PLEKHA5: variants seen among roughly 807,000 people sequenced by gnomAD.
PLEKHA5 encodes the protein pleckstrin homology domain containing A5, also known as pleckstrin homology domain-containing family A member 5.
PLEKHA5 carries 55 observed loss-of-function variants against 181.9 expected under a neutral mutation model. The ratio of observed to expected loss-of-function variants is 0.30; its 90% CI spans 0.24 to 0.38. The LOEUF is 0.38. PLEKHA5 is among the 10% of genes least tolerant of loss of function. The probability of loss-of-function intolerance (pLI) is 1.00; values close to 1 mark genes in which losing one functional copy is unlikely to be tolerated. For missense variants in PLEKHA5, 1,432 were observed against 1,549.5 expected, an observed-to-expected ratio of 0.92 and a Z score of 1.27; for synonymous variants, 535 against 529.4, an observed-to-expected ratio of 1.01 and a Z score of -0.15.
At chr12:19,158,450 A>G (rs546790825) in intron 3 of PLEKHA5, among the ~76,000 whole-genome samples, 1 of 152,336 alleles carries the variant, frequency 6.6e-6, no homozygotes, top group South Asian at 2.1e-4. Context: ...TGCTGGTGGC[A>G]TTGAAAACTG....
rs557085632 is a variant in PLEKHA5 at position 19,327,957 on chromosome 12, T to A, written c.2448+5290T>A. On this transcript the variant is annotated intron_variant, in intron 20 of 31. Coordinates refer to ENST00000429027, the MANE Select transcript of PLEKHA5 (RefSeq NM_001256470.2). ...ACCATGCCTGGCTAAAGGATTCTTA[T>A]AGTTTGAGGCCTGACACTTAAATCT... is the stretch of plus-strand genomic sequence containing the variant. 3.3e-5 allele frequency among the ~76,000 whole-genome samples: 5 copies of A among 152,260 alleles called. No individual in the cohort carries two copies. In the South Asian group the frequency reaches 1.0e-3, roughly 32 times the overall value.
At chr12:19,138,749 G>T (rs979166521) in intron 3 of PLEKHA5, among the ~76,000 whole-genome samples, 9 of 151,984 alleles carry the variant, frequency 5.9e-5, no homozygotes, top group African/African-American at 2.2e-4. Flanking sequence ...TACATTCATG[G>T]GGCTGGGAAC....
intron 7 of PLEKHA5, among the ~76,000 whole-genome samples, chr12:19,264,806 C>T (rs2069770766): frequency 6.6e-6 from 1 of 152,132 alleles, no homozygotes; most frequent in East Asian, 1.9e-4. Flanking sequence ...TCACACACAG[C>T]AAACATAATA....
chr12:19,221,577 C>G (rs1248464382), intron 3 of PLEKHA5, among the ~76,000 whole-genome samples: 1 of 152,134 alleles, frequency 6.6e-6, no homozygotes, highest in South Asian at 2.1e-4. Flanking sequence ...TCTGTCAAAA[C>G]CCATTGAAGT....
intron 26 of PLEKHA5, among the ~76,000 whole-genome samples, chr12:19,357,261 T>C (rs1198108104): frequency 2.7e-5 from 4 of 149,860 alleles, no homozygotes; most frequent in Non-Finnish European, 5.9e-5. Context: ...ATTCTTTTTT[T>C]TTTTTTTTTT....
intron 15 of PLEKHA5, among the ~76,000 whole-genome samples, chr12:19,301,145 C>T (rs373372849): frequency 1.3e-5 from 2 of 151,816 alleles, no homozygotes; most frequent in African/African-American, 2.4e-5. Context: ...AGCGAAACTC[C>T]GTCTCAAAAA....
intron 10 of PLEKHA5, among the ~76,000 whole-genome samples, chr12:19,271,117 C>T (rs758937257): frequency 6.6e-6 from 1 of 152,190 alleles, no homozygotes; most frequent in African/African-American, 2.4e-5. Flanking sequence ...GAAGGAAAAT[C>T]TGTTTTTGGA....
intron 20 of PLEKHA5, among the ~76,000 whole-genome samples, chr12:19,328,558 AGTGTGTGTGTGTGTGTGT>A (rs56041821): frequency 1.6e-3 from 224 of 141,796 alleles, no homozygotes; most frequent in Non-Finnish European, 2.6e-3. Context: ...CTTTCCTAGG[AGTGTGTGTGTGTGTGTGT>A]GTGTGTGTGT....
intron 20 of PLEKHA5, among the ~76,000 whole-genome samples, chr12:19,335,150 C>T (rs555626579): frequency 2.6e-4 from 39 of 150,254 alleles, no homozygotes; most frequent in African/African-American, 9.3e-4. Context: ...CACCTCAGCC[C>T]TGCCCCGAGT....
At chr12:19,203,103 G>A (rs2054566739) in intron 3 of PLEKHA5, among the ~76,000 whole-genome samples, 1 of 152,098 alleles carries the variant, frequency 6.6e-6, no homozygotes, top group Non-Finnish European at 1.5e-5. Flanking sequence ...GTAATTACAA[G>A]ATGATCTCAA....
intron 3 of PLEKHA5, among the ~76,000 whole-genome samples, chr12:19,228,698 A>G (rs4497470): frequency 0.057 from 8,732 of 152,222 alleles, 421 homozygotes; most frequent in African/African-American, 0.13. Flanking sequence ...CATATCTAAT[A>G]TTCTCACTTG....
At chr12:19,245,723 C>CAAAAAAAAAA (rs1177391924) in intron 3 of PLEKHA5, among the ~76,000 whole-genome samples, 1 of 50,902 alleles carries the variant, frequency 2.0e-5, no homozygotes. Context: ...GTGAGACTGT[C>CAAAAAAAAAA]AAAAAAAAAA....
At chr12:19,187,405 G>A (rs2050107525) in intron 3 of PLEKHA5, among the ~76,000 whole-genome samples, 1 of 152,164 alleles carries the variant, frequency 6.6e-6, no homozygotes, top group Non-Finnish European at 1.5e-5. Flanking sequence ...GTTCTCTTAG[G>A]AGATTATAGT....
chr12:19,172,742 A>G (rs2046203715), intron 3 of PLEKHA5, among the ~76,000 whole-genome samples: 1 of 152,136 alleles, frequency 6.6e-6, no homozygotes, highest in Non-Finnish European at 1.5e-5. Context: ...TCTTATTTTC[A>G]GATGATACAC....
intron 3 of PLEKHA5, among the ~76,000 whole-genome samples, chr12:19,203,818 C>G (rs1053415641): frequency 2.0e-5 from 3 of 150,562 alleles, no homozygotes; most frequent in African/African-American, 7.3e-5. Context: ...ATAACCTGTT[C>G]TCAAATAATA....
At chr12:19,201,734 A>C (rs561398634) in intron 3 of PLEKHA5, 1 of 152,124 alleles carries the variant, frequency 6.6e-6, no homozygotes, top group Non-Finnish European at 1.5e-5. Flanking sequence ...GTATAATTCC[A>C]TTTTTATGAA....
chr12:19,343,584 C>T, intron 22 of PLEKHA5, 150 bp downstream of exon 22: 1 of 639,074 alleles, frequency 1.6e-6, no homozygotes. Context: ...GTATGGCCTA[C>T]TACACACCTA....
rs527248537 is a variant in PLEKHA5 at position 19,273,443 on chromosome 12, A to G, written c.846-1073A>G. On this transcript the variant is annotated intron_variant, in intron 10 of 31. Coordinates refer to ENST00000429027, the MANE Select transcript of PLEKHA5 (RefSeq NM_001256470.2). ...TATAGTTGATTACAGATATATGTAT[A>G]TAGATCTACATCCTTTCCACACGTC... Among the ~76,000 whole-genome samples the G allele has an allele frequency of 3.0e-3, 458 of 152,028 alleles. 2 individuals are homozygous for G. Among genetic ancestry groups the G allele is most frequent in the Middle Eastern group, 0.027 (8 of 292 alleles).
intron 11 of PLEKHA5, among the ~76,000 whole-genome samples, chr12:19,280,580 T>C (rs570514970): frequency 6.6e-6 from 1 of 152,216 alleles, no homozygotes; most frequent in South Asian, 2.1e-4. Flanking sequence ...TAACTAAACA[T>C]TGAAAGAAGA....
Sources: allele counts gnomAD v4.1 joint callset (sites outside exome capture counted in the v4.1 genomes callset), GRCh38; gene constraint gnomAD v4.1.1; transcripts MANE v1.5; gene names NCBI Gene and HGNC (gene_info 2026-07-23, HGNC 2026-07-21).